ANKRD11: variants seen among roughly 807,000 people sequenced by gnomAD.
The protein encoded by ANKRD11 is ankyrin repeat domain 11.
ANKRD11 carries 17 observed loss-of-function variants against 195.7 expected under a neutral mutation model. The observed-to-expected ratio is 0.09, with a 90% CI of 0.06 to 0.13. The LOEUF is 0.13. Ranked by LOEUF, ANKRD11 falls within the 10% of genes least tolerant of loss-of-function variation. The pLI is 1.00. For synonymous variants in ANKRD11, 1,953 were observed against 1,528.1 expected, an observed-to-expected ratio of 1.28 and a Z score of -6.49; for missense variants, 3,735 against 3,566.1, an observed-to-expected ratio of 1.05 and a Z score of -1.21.
intron 1 of ANKRD11, among the ~76,000 whole-genome samples, chr16:89,455,182 C>T (rs1266821484): frequency 7.6e-6 from 1 of 130,992 alleles, no homozygotes; most frequent in Non-Finnish European, 1.6e-5. Context: ...CTGGGTGCTT[C>T]TAGCATTCCT....
chr16:89,401,254 T>C (rs1297653246), intron 2 of ANKRD11, among the ~76,000 whole-genome samples: 1 of 152,020 alleles, frequency 6.6e-6, no homozygotes, highest in Non-Finnish European at 1.5e-5. Flanking sequence ...AACATTTGGA[T>C]TTTTAGTAGA....
chr16:89,289,395 A>G (rs1236319296), intron 6 of ANKRD11, among the ~76,000 whole-genome samples: 1 of 152,250 alleles, frequency 6.6e-6, no homozygotes, highest in African/African-American at 2.4e-5. Context: ...TGTTCCCCTT[A>G]CACTGTGGAC....
chr16:89,278,295 G>A (rs2033832402), intron 9 of ANKRD11: 1 of 351,120 alleles, frequency 2.8e-6, no homozygotes, highest in South Asian at 2.1e-5. Context: ...TGCCTGCTGG[G>A]AAAGACCCCA....
intron 1 of ANKRD11, among the ~76,000 whole-genome samples, chr16:89,449,685 C>T (rs558931439): frequency 2.0e-5 from 3 of 151,954 alleles, no homozygotes; most frequent in East Asian, 1.9e-4. Flanking sequence ...CCCAGCTACT[C>T]GGGAGGCTGA....
Position 89,285,314 on chromosome 16 carries a change from T to C in ANKRD11, c.1228A>G (p.Thr410Ala). The C allele has an allele frequency of 1.2e-6, 2 of 1,614,030 alleles. No homozygotes were observed. Among genetic ancestry groups the C allele is most frequent in the African/African-American group, 1.3e-5 (1 of 75,070 alleles). Residue 410 changes from threonine (T) to alanine (A), a missense_variant, in exon 9 of 13, where the codon ACG (threonine) becomes GCG (alanine). Coordinates refer to ENST00000301030, the MANE Select transcript of ANKRD11 (RefSeq NM_013275.6). This position sits in a 1 kb window ranked among gnomAD's most constrained non-coding sequence, Gnocchi z 5.6. ...KKASHRILSD[T>A]SDEEDASVTV... is the part of the protein sequence containing the mutation. ...ACACTCGCGTCCTCCTCGTCCGACG[T>C]GTCTGACAGGATACGATGGGACGCT...
At chr16:89,432,274 C>CAA (rs1567797198) in intron 1 of ANKRD11, among the ~76,000 whole-genome samples, 1 of 150,074 alleles carries the variant, frequency 6.7e-6, no homozygotes, top group East Asian at 1.9e-4. Context: ...CACACACACA[C>CAA]ACACCCCTGG....
chr16:89,301,595 C>T (rs1006396294), intron 4 of ANKRD11: 1 of 398,782 alleles, frequency 2.5e-6, no homozygotes, highest in Non-Finnish European at 4.4e-6. Context: ...ACCCACAGCC[C>T]TTACAGAGGC....
At chr16:89,295,985 C>CTTTTTTGTTTT (rs2035406672) in intron 4 of ANKRD11, among the ~76,000 whole-genome samples, 2 of 45,142 alleles carry the variant, frequency 4.4e-5, no homozygotes, top group Non-Finnish European at 7.4e-5. Context: ...ATCTGGCTGC[C>CTTTTTTGTTTT]TTTTTTTTTT....
chr16:89,388,609 T>C (rs529876214), intron 2 of ANKRD11, among the ~76,000 whole-genome samples: 6 of 152,112 alleles, frequency 3.9e-5, no homozygotes, highest in South Asian at 4.2e-4. Context: ...TGGAAAATAT[T>C]TGCACCTGAG....
chr16:89,435,037 C>A (rs1442118125), intron 1 of ANKRD11, among the ~76,000 whole-genome samples: 5 of 152,208 alleles, frequency 3.3e-5, no homozygotes, highest in Non-Finnish European at 7.3e-5. Context: ...GTGAAGCCAG[C>A]TGGGCTTCTG....
chr16:89,270,962 GA>G, intron 11 of ANKRD11, 53 bp from the exon 12 acceptor site: 1 of 1,570,246 alleles, frequency 6.4e-7, no homozygotes, highest in Non-Finnish European at 8.7e-7. Flanking sequence ...ACCGCTACGG[GA>G]AGGCATGCCA....
intron 1 of ANKRD11, among the ~76,000 whole-genome samples, chr16:89,441,591 C>T (rs1247330980): frequency 1.3e-5 from 2 of 151,800 alleles, no homozygotes; most frequent in Non-Finnish European, 2.9e-5. Flanking sequence ...CATGGTAAAA[C>T]CCCACCTCTA....
Position 89,291,166 on chromosome 16 carries a change from G to A in ANKRD11, c.244C>T (p.Arg82Trp), listed in dbSNP as rs1450559184. The A allele has an allele frequency of 1.2e-6, 2 of 1,613,722 alleles. No individual in the cohort carries two copies. Among genetic ancestry groups the A allele is most frequent in the Non-Finnish European group, 1.7e-6 (2 of 1,179,952 alleles). Reference protein sequence around the residue: ...DSDTEKQGPERKRIKKEPVTR... With the variant: ...DSDTEKQGPEWKRIKKEPVTR... Reference sequence around the variant, plus strand: ...ACAGGCTCCTTCTTAATCCTCTTCCGCTCAGGGCCCTGCTTCTCTGTGAGG... The same window carrying A: ...ACAGGCTCCTTCTTAATCCTCTTCCACTCAGGGCCCTGCTTCTCTGTGAGG... The change falls in exon 5 of 13, where the codon CGG (arginine) becomes TGG (tryptophan). Residue 82 changes from arginine (R) to tryptophan (W), a missense_variant. Coordinates refer to ENST00000301030, the MANE Select transcript of ANKRD11 (RefSeq NM_013275.6). This position sits in a 1 kb window ranked among gnomAD's most constrained non-coding sequence, Gnocchi z 5.3.
intron 1 of ANKRD11, among the ~76,000 whole-genome samples, chr16:89,430,903 T>C (rs1321394046): frequency 2.0e-5 from 3 of 152,140 alleles, no homozygotes; most frequent in Non-Finnish European, 1.5e-5. Flanking sequence ...CTCTTCCCAC[T>C]GTGCTTCCTC....
At chr16:89,339,094 G>T (rs540755421) in intron 2 of ANKRD11, among the ~76,000 whole-genome samples, 1 of 152,136 alleles carries the variant, frequency 6.6e-6, no homozygotes, top group African/African-American at 2.4e-5. Context: ...GCTGATGGGT[G>T]AGCGTTGCAC....
Position 89,341,841 on chromosome 16 carries a change from G to A in ANKRD11, c.-59-24763C>T, listed in dbSNP as rs112212569. Among the ~76,000 whole-genome samples, 1,389 of 144,042 alleles carry A rather than the reference G, an allele frequency of 9.6e-3. 20 individuals are homozygous for A. Among genetic ancestry groups the A allele is most frequent in the African/African-American group, 0.037 (1,285 of 34,778 alleles). The allele number at this position is 144,042 out of a possible 152,430, so 94.5% of individuals were successfully genotyped here. On this transcript the variant is annotated intron_variant, in intron 2 of 12. Transcript: ENST00000301030. ...GCCCACAGCAGCCACGGCCCACGGC[G>A]GGAGTGCTGCACCTCCACCCACAGC...
At chr16:89,446,558 C>T (rs2043801712) in intron 1 of ANKRD11, among the ~76,000 whole-genome samples, 1 of 149,078 alleles carries the variant, frequency 6.7e-6, no homozygotes, top group Non-Finnish European at 1.5e-5. Flanking sequence ...GAGCTGTGAT[C>T]ATGCCACTGC....
Position 89,280,512 on chromosome 16 carries a change from G to A in ANKRD11, c.6030C>T (p.Ala2010=), listed in dbSNP as rs563584451. Residue 2010 remains alanine, a synonymous_variant, in exon 9 of 13, where the codon GCC becomes GCT. Transcript: ENST00000301030. The part of the protein sequence containing the change: ...LHSAAPGPFS[A]SEAPYPAPPA... ...GAGGGGCGGGGTACGGCGCCTCCGAGGCGCTGAAGGGCCCTGGGGCGGCAG... is the reference window on the plus strand; with the variant it reads ...GAGGGGCGGGGTACGGCGCCTCCGAAGCGCTGAAGGGCCCTGGGGCGGCAG... 3.5e-5 allele frequency: 57 copies of A among 1,608,634 alleles called. No homozygotes were observed. Among genetic ancestry groups the A allele is most frequent in the Non-Finnish European group, 4.1e-5 (48 of 1,178,014 alleles).
Position 89,286,314 on chromosome 16 carries a change from G to C in ANKRD11, c.745-128C>G, listed in dbSNP as rs766194073. Reference sequence around the variant, plus strand: ...CCGAGAGCAGCCCCTCACGGTCTGAGGGTGTGGGAGCCGAGCGCCCAGGGA... The same window carrying C: ...CCGAGAGCAGCCCCTCACGGTCTGACGGTGTGGGAGCCGAGCGCCCAGGGA... On this transcript the variant is annotated intron_variant, in intron 7 of 12. Coordinates refer to ENST00000301030, the MANE Select transcript of ANKRD11 (RefSeq NM_013275.6). 5.9e-6 allele frequency: 8 copies of C among 1,365,278 alleles called. 1 individual carries two copies. The highest frequency in any genetic ancestry group is 6.2e-6 in the Non-Finnish European group (6 of 973,566). The allele number at this position is 1,365,278 out of a possible 1,614,324, so 84.6% of individuals were successfully genotyped here.
Sources: allele counts gnomAD v4.1 joint callset (sites outside exome capture counted in the v4.1 genomes callset), GRCh38; gene constraint gnomAD v4.1.1; non-coding constraint Gnocchi (gnomAD v3.1); transcripts MANE v1.5; gene names NCBI Gene and HGNC (gene_info 2026-07-23, HGNC 2026-07-21).